The following AKAP7 variants were observed in gnomAD, a reference collection of about 807,000 sequenced individuals.
AKAP7 encodes A kinase (PRKA) anchor protein 7.
A neutral mutation model predicts 39.5 loss-of-function variants in AKAP7; 39 were observed. That is an observed-to-expected ratio of 0.99 (90% CI 0.76 to 1.29). The LOEUF (loss-of-function observed/expected upper bound fraction) is 1.29, where lower values mean the gene tolerates loss of function less well. Ranked by LOEUF, AKAP7 falls within the 50% of genes most tolerant of loss-of-function variation. AKAP7 has a pLI of 0.00. For synonymous variants in AKAP7, 140 were observed against 139.1 expected (o/e 1.01, Z -0.05); for missense variants, 414 against 407.7 (o/e 1.02, Z -0.13).
rs181102178 is a variant in AKAP7, at chr6:131,217,674, G to A, written c.703-1987G>A. ...ATCTGTGAAAAATTCTTGCAAAACA[G>A]TTAGCGTTTACCTTTTGCTGAAATT... On this transcript the variant is annotated intron_variant, in intron 6 of 7. Transcript: ENST00000431975. Among the ~76,000 whole-genome samples, 250 of 152,284 alleles carry A rather than the reference G, an allele frequency of 1.6e-3. 1 individual carries two copies. The highest frequency in any genetic ancestry group is 5.7e-3 in the African/African-American group (238 of 41,548).
chr6:131,228,638 G>A (rs969006470), intron 7 of AKAP7, among the ~76,000 whole-genome samples: 6 of 152,040 alleles, frequency 3.9e-5, no homozygotes, highest in African/African-American at 1.2e-4. Context: ...CACTGTGCCC[G>A]GCCTGGGTTT....
At chr6:131,245,577 A>C (rs1811940078) in intron 7 of AKAP7, among the ~76,000 whole-genome samples, 1 of 152,142 alleles carries the variant, frequency 6.6e-6, no homozygotes, top group Non-Finnish European at 1.5e-5. Context: ...CAGTGGCAAC[A>C]TAAAAATTGG....
chr6:131,178,947 C>G (rs1189827030), intron 5 of AKAP7, among the ~76,000 whole-genome samples: 2 of 152,050 alleles, frequency 1.3e-5, no homozygotes, highest in Non-Finnish European at 2.9e-5. Flanking sequence ...CTTACAGGTA[C>G]TGGACTCAAC....
At chr6:131,220,564 C>G (rs1430889859) in intron 7 of AKAP7, among the ~76,000 whole-genome samples, 1 of 152,206 alleles carries the variant, frequency 6.6e-6, no homozygotes, top group Non-Finnish European at 1.5e-5. Context: ...TGAAAATACT[C>G]AAAGAAGACA....
chr6:131,213,232 C>T (rs1341549930), intron 6 of AKAP7, among the ~76,000 whole-genome samples: 2 of 152,162 alleles, frequency 1.3e-5, no homozygotes, highest in Admixed American at 1.3e-4. Flanking sequence ...CAAACAGCCC[C>T]ATTCTCCTGC....
At chr6:131,142,800 G>A (rs150403513) in intron 1 of AKAP7, among the ~76,000 whole-genome samples, 1 of 152,252 alleles carries the variant, frequency 6.6e-6, no homozygotes, top group Non-Finnish European at 1.5e-5. Context: ...CATCCTGTGA[G>A]AGCAGCCACA....
In AKAP7 at chr6:131,175,824, C is replaced by A. The variant is rs541336336; in HGVS notation, c.589+6551C>A. Reference sequence around the variant, plus strand: ...GGAGAAGCTGAGTCAGTAGGCCTTGCTAAGTTTCCCCCAGTTTATTGCCAT... The same window carrying A: ...GGAGAAGCTGAGTCAGTAGGCCTTGATAAGTTTCCCCCAGTTTATTGCCAT... On this transcript the variant is annotated intron_variant, in intron 5 of 7. Coordinates refer to ENST00000431975, the MANE Select transcript of AKAP7 (RefSeq NM_016377.4). 4.6e-5 allele frequency among the ~76,000 whole-genome samples: 7 copies of A among 152,270 alleles called. No individual in the cohort carries two copies. In the South Asian group the frequency reaches 1.4e-3, roughly 32 times the overall value.
chr6:131,258,584 A>G (rs1348116620), intron 7 of AKAP7, among the ~76,000 whole-genome samples: 1 of 152,240 alleles, frequency 6.6e-6, no homozygotes. Flanking sequence ...TGTGAGTTAC[A>G]AGTTAACAGA....
At chr6:131,240,599 G>A (rs982583257) in intron 7 of AKAP7, among the ~76,000 whole-genome samples, 2 of 152,222 alleles carry the variant, frequency 1.3e-5, no homozygotes, top group African/African-American at 2.4e-5. Context: ...CTCAAGCCGG[G>A]GCAATGGCGG....
intron 5 of AKAP7, among the ~76,000 whole-genome samples, chr6:131,198,082 A>G (rs1200746105): frequency 1.3e-5 from 2 of 152,174 alleles, no homozygotes; most frequent in Non-Finnish European, 2.9e-5. Flanking sequence ...GACATATTCC[A>G]AAGGCCACGA....
intron 5 of AKAP7, among the ~76,000 whole-genome samples, chr6:131,193,117 G>A (rs573007477): frequency 6.6e-6 from 1 of 152,080 alleles, no homozygotes; most frequent in East Asian, 1.9e-4. Context: ...CTATTGTGTT[G>A]AATAACAGTG....
upstream of AKAP7, among the ~76,000 whole-genome samples, chr6:131,132,668 T>C (rs749738530): frequency 6.6e-6 from 1 of 152,210 alleles, no homozygotes; most frequent in African/African-American, 2.4e-5. Context: ...TGGATTGGTC[T>C]GATTCTTTCC....
upstream of AKAP7, among the ~76,000 whole-genome samples, chr6:131,133,439 A>G (rs967243884): frequency 3.3e-5 from 5 of 152,200 alleles, no homozygotes; most frequent in African/African-American, 7.2e-5. Context: ...TTCACCTTGT[A>G]CTTCCCTTTC....
At chr6:131,191,492 A>G (rs1472989829) in intron 5 of AKAP7, among the ~76,000 whole-genome samples, 2 of 152,122 alleles carry the variant, frequency 1.3e-5, no homozygotes, top group Non-Finnish European at 2.9e-5. Context: ...CCAGCATCTA[A>G]ATTTTTTATA....
At position 131,283,257 on chromosome 6, in the gene AKAP7, T is replaced by A. The variant is rs150277088; in HGVS notation, c.*1531T>A. 6.0e-4 allele frequency: 92 copies of A among 152,742 alleles called. No homozygotes were observed. Among genetic ancestry groups the A allele is most frequent in the African/African-American group, 2.2e-3 (90 of 41,574 alleles). The allele number at this position is 152,742 out of a possible 1,614,324, so 9.5% of individuals were successfully genotyped here. ...CCAGGTCTTATCGTATCCCTTGCCA[T>A]CTGAACTTGTTTGCACTGCTTCTGT... On this transcript the variant is annotated 3_prime_UTR_variant, in exon 8 of 8. Coordinates refer to ENST00000431975, the MANE Select transcript of AKAP7 (RefSeq NM_016377.4).
At chr6:131,163,489 G>A (rs1335300531) in intron 3 of AKAP7, among the ~76,000 whole-genome samples, 3 of 152,204 alleles carry the variant, frequency 2.0e-5, no homozygotes, top group African/African-American at 7.2e-5. Flanking sequence ...CTGCAAACAA[G>A]CTTTTGGAAG....
At chr6:131,234,604 CT>C (rs1278420358) in intron 7 of AKAP7, among the ~76,000 whole-genome samples, 239 of 141,972 alleles carry the variant, frequency 1.7e-3, no homozygotes, top group Middle Eastern at 3.7e-3. Context: ...TAGTTCAGAT[CT>C]TTTTTTTTTT....
chr6:131,177,322 T>C (rs1179099012), intron 5 of AKAP7, among the ~76,000 whole-genome samples: 1 of 152,152 alleles, frequency 6.6e-6, no homozygotes. Flanking sequence ...AGCATAGCAC[T>C]GCACTGGCTG....
chr6:131,125,786 C>T, the AKAP7 span, among the ~76,000 whole-genome samples: 1 of 152,226 alleles, frequency 6.6e-6, no homozygotes, highest in East Asian at 1.9e-4. Flanking sequence ...TATGGAGTTC[C>T]TCAGGATTCA....
Sources: gnomAD v4.1 joint callset for allele counts (sites outside exome capture counted in the v4.1 genomes callset) on GRCh38, gnomAD v4.1.1 for gene constraint, MANE v1.5 for transcripts, NCBI Gene and HGNC (gene_info 2026-07-23, HGNC 2026-07-21) for gene names.